CNTN5: variants seen among roughly 807,000 people sequenced by gnomAD.
CNTN5 encodes contactin-5.
Under a neutral mutation model 129.1 loss-of-function variants are expected in CNTN5, and 77 were observed. The ratio of observed to expected loss-of-function variants is 0.60; its 90% CI spans 0.50 to 0.72. The LOEUF (loss-of-function observed/expected upper bound fraction) is 0.72, where lower values mean the gene tolerates loss of function less well. Among genes scored for constraint, CNTN5 ranks in the 30% least tolerant of loss-of-function variants. The probability of loss-of-function intolerance (pLI) is 0.00; values close to 1 mark genes in which losing one functional copy is unlikely to be tolerated. For synonymous variants in CNTN5, 509 were observed against 465.6 expected (o/e 1.09, Z -1.20); for missense variants, 1,478 against 1,328.8 (o/e 1.11, Z -1.75).
chr11:99,593,113 CCTCT>C (rs771666780), intron 3 of CNTN5, among the ~76,000 whole-genome samples: 1 of 152,140 alleles, frequency 6.6e-6, no homozygotes, highest in East Asian at 1.9e-4. Context: ...AGCTTAGATA[CCTCT>C]CTAACTTTTG....
intron 1 of CNTN5, among the ~76,000 whole-genome samples, chr11:99,286,146 AT>A (rs1333358625): frequency 6.6e-6 from 1 of 151,732 alleles, no homozygotes; most frequent in Non-Finnish European, 1.5e-5. Flanking sequence ...TATTGTTACT[AT>A]CTGAAAGAAG....
At chr11:99,585,857 C>G (rs1025779020) in intron 3 of CNTN5, among the ~76,000 whole-genome samples, 24 of 152,068 alleles carry the variant, frequency 1.6e-4, no homozygotes, top group African/African-American at 2.4e-5. Flanking sequence ...ACTGATATAT[C>G]CAAGGAAATT....
intron 15 of CNTN5, among the ~76,000 whole-genome samples, chr11:100,196,102 G>C (rs1446012275): frequency 6.6e-6 from 1 of 151,826 alleles, no homozygotes; most frequent in African/African-American, 2.4e-5. Flanking sequence ...ATCTCCTAAG[G>C]TGTCTAACTT....
At chr11:99,084,238 AT>A (rs1325817992) in intron 1 of CNTN5, among the ~76,000 whole-genome samples, 1 of 152,186 alleles carries the variant, frequency 6.6e-6, no homozygotes, top group Non-Finnish European at 1.5e-5. Context: ...AACAACCTCT[AT>A]GGCAGTAATT....
intron 1 of CNTN5, among the ~76,000 whole-genome samples, chr11:99,254,976 G>T (rs918958193): frequency 1.7e-4 from 26 of 151,830 alleles, no homozygotes; most frequent in African/African-American, 6.3e-4. Flanking sequence ...TGAACAAGCC[G>T]ATGTTTTCTT....
chr11:99,556,523 T>A (rs1948669942), intron 3 of CNTN5, among the ~76,000 whole-genome samples: 1 of 135,612 alleles, frequency 7.4e-6, no homozygotes, highest in African/African-American at 2.7e-5. Context: ...TCATTTGCAA[T>A]CTAAACCATC....
intron 13 of CNTN5, among the ~76,000 whole-genome samples, chr11:100,129,356 A>G (rs1387700565): frequency 2.0e-5 from 3 of 152,128 alleles, no homozygotes; most frequent in Non-Finnish European, 4.4e-5. Flanking sequence ...ATCTTGACCA[A>G]TGGGCCAGTA....
intron 6 of CNTN5, among the ~76,000 whole-genome samples, chr11:99,896,428 C>T (rs994735667): frequency 1.3e-5 from 2 of 152,136 alleles, no homozygotes; most frequent in African/African-American, 4.8e-5. Flanking sequence ...AGATGGGTCA[C>T]TTTCATGTAC....
At chr11:99,362,005 G>T (rs1172950171) in intron 2 of CNTN5, among the ~76,000 whole-genome samples, 1 of 151,968 alleles carries the variant, frequency 6.6e-6, no homozygotes, top group Non-Finnish European at 1.5e-5. Flanking sequence ...TGGATAATAT[G>T]ATTATTTTAT....
At chr11:99,535,668 T>C (rs539866063) in intron 2 of CNTN5, among the ~76,000 whole-genome samples, 1 of 152,270 alleles carries the variant, frequency 6.6e-6, no homozygotes, top group East Asian at 1.9e-4. Context: ...GTTTGAACTA[T>C]GAGGTTTAAG....
chr11:100,339,308 T>A (rs963604386), intron 21 of CNTN5, among the ~76,000 whole-genome samples: 1 of 151,718 alleles, frequency 6.6e-6, no homozygotes. Context: ...AACTGAATGA[T>A]GGGGAAGGTG....
At chr11:99,781,358 T>G (rs1353882397) in intron 3 of CNTN5, among the ~76,000 whole-genome samples, 1 of 152,076 alleles carries the variant, frequency 6.6e-6, no homozygotes, top group African/African-American at 2.4e-5. Flanking sequence ...TCTTGGCATA[T>G]GTGACTCAAT....
intron 1 of CNTN5, among the ~76,000 whole-genome samples, chr11:99,153,559 A>T (rs1860179610): frequency 6.7e-6 from 1 of 149,380 alleles, no homozygotes; most frequent in Non-Finnish European, 1.5e-5. Context: ...TATTCCATAG[A>T]TTCCTTGGAT....
At chr11:100,094,313 C>T (rs576731575) in intron 13 of CNTN5, among the ~76,000 whole-genome samples, 1 of 152,182 alleles carries the variant, frequency 6.6e-6, no homozygotes, top group South Asian at 2.1e-4. Flanking sequence ...CTGCCTCCAA[C>T]TGGGTAAGAA....
At chr11:99,370,240 G>C (rs1939742827) in intron 2 of CNTN5, among the ~76,000 whole-genome samples, 1 of 152,170 alleles carries the variant, frequency 6.6e-6, no homozygotes, top group South Asian at 2.1e-4. Context: ...CAATTTTCCT[G>C]TACACAATAG....
At chr11:99,318,095 C>T in intron 1 of CNTN5, among the ~76,000 whole-genome samples, 1 of 152,072 alleles carries the variant, frequency 6.6e-6, no homozygotes, top group East Asian at 1.9e-4. Flanking sequence ...TTTTAAACAG[C>T]ATAAAAACCC....
chr11:100,035,928 T>G (rs569940588), intron 9 of CNTN5, among the ~76,000 whole-genome samples: 8 of 152,320 alleles, frequency 5.3e-5, no homozygotes, highest in Admixed American at 4.6e-4. Flanking sequence ...GCCTGTTCAC[T>G]CTGATGGTAG....
intron 2 of CNTN5, among the ~76,000 whole-genome samples, chr11:99,472,196 A>C (rs1290989083): frequency 6.6e-6 from 1 of 152,110 alleles, no homozygotes; most frequent in Non-Finnish European, 1.5e-5. Context: ...TAAAATTTGG[A>C]AATTAAGTCT....
rs1951493943 is a variant in CNTN5 at position 100,312,735 on chromosome 11, C to T, written c.2730+4267C>T. Among the ~76,000 whole-genome samples, 3 of 152,026 alleles carry T rather than the reference C, an allele frequency of 2.0e-5. No homozygotes were observed. The South Asian group carries it at 6.2e-4, about 31-fold the overall frequency. ...GTCACTTTTCTAGCCATAATTTTAA[C>T]TTCACATGCAAAATCTAAAACAGCA... On this transcript the variant is annotated intron_variant, in intron 21 of 24. Coordinates refer to ENST00000524871, the MANE Select transcript of CNTN5 (RefSeq NM_014361.4).
Sources: gnomAD v4.1 joint callset for allele counts (sites outside exome capture counted in the v4.1 genomes callset) on GRCh38, gnomAD v4.1.1 for gene constraint, MANE v1.5 for transcripts, NCBI Gene and HGNC (gene_info 2026-07-23, HGNC 2026-07-21) for gene names.